ZNF775: variants seen among roughly 807,000 people sequenced by gnomAD.
ZNF775 encodes zinc finger protein 775.
ZNF775 carries 1 observed loss-of-function variant against 2.4 expected under a neutral mutation model. The ratio of observed to expected loss-of-function variants is 0.41; its 90% CI spans 0.15 to 1.94. ZNF775 has a LOEUF of 1.94. ZNF775 is among the 30% of genes most tolerant of loss of function. The probability of loss-of-function intolerance (pLI) is 0.30; values close to 1 mark genes in which losing one functional copy is unlikely to be tolerated. For missense variants in ZNF775, 823 were observed against 826.6 expected (o/e 1.00, Z 0.05); for synonymous variants, 381 against 373.3 (o/e 1.02, Z -0.24).
rs923274205 is a variant in ZNF775, at chr7:150,398,380, A to C, written c.*285A>C. 1 of 521,506 alleles carries C rather than the reference A, an allele frequency of 1.9e-6. No homozygotes were observed. Among genetic ancestry groups the C allele is most frequent in the African/African-American group, 2.0e-5 (1 of 50,670 alleles). The allele number at this position is 521,506 out of a possible 1,614,324, so 32.3% of individuals were successfully genotyped here. Reference sequence around the variant, plus strand: ...GACCCCAGGCTTCAAGCACCGAGTGAGGGGTCTGTTGGGGACGCTGGGAGA... The same window carrying C: ...GACCCCAGGCTTCAAGCACCGAGTGCGGGGTCTGTTGGGGACGCTGGGAGA... On this transcript the variant is annotated 3_prime_UTR_variant, in exon 3 of 3. Coordinates refer to ENST00000329630, the MANE Select transcript of ZNF775 (RefSeq NM_173680.4).
chr7:150,385,129 A>T (rs552894313), intron 1 of ZNF775, among the ~76,000 whole-genome samples: 1 of 152,196 alleles, frequency 6.6e-6, no homozygotes, highest in Non-Finnish European at 1.5e-5. Flanking sequence ...GTGGCGAGGG[A>T]GGGAGGAGCC....
rs573992519 is a variant in ZNF775, at chr7:150,385,336, G to A, written c.-49-3086G>A. ...TTTGCAAAAGTAGAAGAGAAAAACA[G>A]CTTTTAAAAGATTGAATGTGCATGA... On this transcript the variant is annotated intron_variant, in intron 1 of 2. Transcript: ENST00000329630. 2.5e-4 allele frequency among the ~76,000 whole-genome samples: 38 copies of A among 152,352 alleles called. No homozygotes were observed. The South Asian group carries it at 6.4e-3, about 26-fold the overall frequency.
At chr7:150,393,014 T>C (rs1169070661) in intron 2 of ZNF775, among the ~76,000 whole-genome samples, 1 of 152,208 alleles carries the variant, frequency 6.6e-6, no homozygotes, top group Non-Finnish European at 1.5e-5. Flanking sequence ...TAGTTGACAT[T>C]AGGGTTCTCT....
chr7:150,397,126 G>A lies in ZNF775; in HGVS notation c.645G>A (p.Arg215=). ...GLRIHQRAHA[R]DRQGSRAGLH... is the part of the protein sequence containing the mutation. ...GCATCCACCAGCGCGCGCACGCCCG[G>A]GACCGCCAGGGCTCCCGCGCCGGCC... Residue 215 remains arginine (R), a synonymous_variant, in exon 3 of 3, where the codon CGG becomes CGA. Coordinates refer to ENST00000329630, the MANE Select transcript of ZNF775 (RefSeq NM_173680.4). The A allele has an allele frequency of 6.6e-7, 1 of 1,511,324 alleles. No homozygotes were observed. The highest frequency in any genetic ancestry group is 1.4e-5 in the African/African-American group (1 of 70,116). The allele number at this position is 1,511,324 out of a possible 1,614,324, so 93.6% of individuals were successfully genotyped here. A position where few individuals can be genotyped will look rare whatever the true frequency, so the allele number is the denominator to read the frequency against.
rs1448414128 is a variant in ZNF775, at chr7:150,397,921, C to G, written c.1440C>G (p.Gly480=). 3.7e-6 allele frequency: 6 copies of G among 1,601,854 alleles called. No individual in the cohort carries two copies. The highest frequency in any genetic ancestry group is 8.5e-7 in the Non-Finnish European group (1 of 1,178,678). Residue 480 remains glycine, a synonymous_variant, in exon 3 of 3, where the codon GGC becomes GGG. Coordinates refer to ENST00000329630, the MANE Select transcript of ZNF775 (RefSeq NM_173680.4). ...GGCCCTACCCGTGCCCCGAGTGCGG[C>G]CGCCGCTTCAGCCAGAAGCCCAACC... The part of the protein sequence containing the change: ...GERPYPCPEC[G]RRFSQKPNLT...
chr7:150,380,166 C>T (rs1346006367), intron 1 of ZNF775: 1 of 152,242 alleles, frequency 6.6e-6, no homozygotes, highest in Non-Finnish European at 1.5e-5. Context: ...CAAGGCTTCA[C>T]AGCTAACTGT....
At position 150,389,859 on chromosome 7, in the gene ZNF775, TTGTGTG is replaced by T. The variant is rs71196708; in HGVS notation, c.31+1414_31+1419del. 1.6e-3 allele frequency among the ~76,000 whole-genome samples: 225 copies of T among 138,842 alleles called. 4 individuals carry two copies. The highest frequency in any genetic ancestry group is 3.6e-3 in the Middle Eastern group (1 of 278). The allele number at this position is 138,842 out of a possible 152,430, so 91.1% of individuals were successfully genotyped here. On this transcript the variant is annotated intron_variant, in intron 2 of 2. Transcript: ENST00000329630. ...CTTTTAAGCAACTTTTAATTTTTAT[TTGTGTG>T]TGTGTGTGTGTGTGTGTGTGTGTGT...
At position 150,387,489 on chromosome 7, in the gene ZNF775, C is replaced by T. The variant is rs1273230382; in HGVS notation, c.-49-933C>T. Among the ~76,000 whole-genome samples the T allele has an allele frequency of 3.3e-5, 5 of 151,930 alleles. No individual in the cohort carries two copies. In the South Asian group the frequency reaches 1.0e-3, roughly 32 times the overall value. ...TGTTCCAGGCACAGAGTGAGCCACT[C>T]AGGAAGCGCTCAGAAGACTTGGGCA... On this transcript the variant is annotated intron_variant, in intron 1 of 2. Transcript: ENST00000329630.
chr7:150,391,702 C>CTTCCTT (rs1800561567), intron 2 of ZNF775, among the ~76,000 whole-genome samples: 4 of 68,732 alleles, frequency 5.8e-5, no homozygotes, highest in African/African-American at 2.0e-4. Context: ...TTTTTCCTTT[C>CTTCCTT]TTTCTTTTTT....
intron 1 of ZNF775, among the ~76,000 whole-genome samples, chr7:150,386,120 G>C (rs1800447973): frequency 1.3e-5 from 2 of 152,224 alleles, no homozygotes; most frequent in South Asian, 2.1e-4. Flanking sequence ...ATTTTTAGTA[G>C]AGACGGGGTT....
Position 150,382,976 on chromosome 7 carries a change from G to C in ZNF775, c.-50+3584G>C, listed in dbSNP as rs907799366. ...GCTGTGCAGTGATTCGTGCTGCCCTGGTTCACAGTGGCACGTTTGTGTGTC... is the reference window on the plus strand; with the variant it reads ...GCTGTGCAGTGATTCGTGCTGCCCTCGTTCACAGTGGCACGTTTGTGTGTC... On this transcript the variant is annotated intron_variant, in intron 1 of 2. Transcript: ENST00000329630. The surrounding 1 kb of genome is among the most constrained non-coding windows in gnomAD (Gnocchi z 4.6). Among the ~76,000 whole-genome samples, 4 of 152,202 alleles carry C rather than the reference G, an allele frequency of 2.6e-5. No homozygotes were observed. The highest frequency in any genetic ancestry group is 5.9e-5 in the Non-Finnish European group (4 of 68,024).
chr7:150,396,575 C>A lies in ZNF775; in HGVS notation c.94C>A (p.Pro32Thr). ...GGAGCGGCTGCTGCAGACGCTGGCG[C>A]CGCAGGCCATGCTTGTGGAGAAGGA... ...KPERLLQTLAPQAMLVEKDKE... is the reference protein window; with the variant it reads ...KPERLLQTLATQAMLVEKDKE... Residue 32 changes from proline to threonine, a missense_variant, in exon 3 of 3, where the codon CCG (proline) becomes ACG (threonine). Pro to Thr is a conservative substitution (Grantham distance 38). Coordinates refer to ENST00000329630, the MANE Select transcript of ZNF775 (RefSeq NM_173680.4). 1 of 1,606,744 alleles carries A rather than the reference C, an allele frequency of 6.2e-7. No homozygotes were observed. The highest frequency in any genetic ancestry group is 8.5e-7 in the Non-Finnish European group (1 of 1,178,114).
chr7:150,393,154 C>T (rs1441551717), intron 2 of ZNF775, among the ~76,000 whole-genome samples: 1 of 152,108 alleles, frequency 6.6e-6, no homozygotes, highest in African/African-American at 2.4e-5. Context: ...CCCTACCCCC[C>T]AACCCCTGGC....
intron 1 of ZNF775, among the ~76,000 whole-genome samples, chr7:150,387,977 C>T (rs1350892655): frequency 2.0e-5 from 3 of 152,128 alleles, no homozygotes; most frequent in African/African-American, 4.8e-5. Context: ...ACGGAGGAAA[C>T]GTGTAGGGCC....
chr7:150,395,053 A>C (rs969167249), intron 2 of ZNF775, among the ~76,000 whole-genome samples: 1 of 152,100 alleles, frequency 6.6e-6, no homozygotes, highest in Non-Finnish European at 1.5e-5. Context: ...CTTTAGCAGC[A>C]CCTGTTTATA....
At chr7:150,385,531 A>G (rs1800436734) in intron 1 of ZNF775, among the ~76,000 whole-genome samples, 1 of 151,280 alleles carries the variant, frequency 6.6e-6, no homozygotes, top group Non-Finnish European at 1.5e-5. Context: ...AATGACTGCA[A>G]AGACGGGAGC....
In ZNF775 at chr7:150,396,825, G is replaced by A. The variant is rs1398701156; in HGVS notation, c.344G>A (p.Arg115Lys). 6.2e-7 allele frequency: 1 copy of A among 1,601,248 alleles called. No homozygotes were observed. The highest frequency in any genetic ancestry group is 8.5e-7 in the Non-Finnish European group (1 of 1,177,974). ...TTTGTATGCCTGGACTGCGGGAAGA[G>A]GTTCAGCTGGTGGTCGTCCCTGAAG... ...GHFVCLDCGKRFSWWSSLKIH... is the reference protein window; with the variant it reads ...GHFVCLDCGKKFSWWSSLKIH... The change falls in exon 3 of 3, where the codon AGG becomes AAG. Residue 115 changes from arginine (R) to lysine (K), a missense_variant. Arg to Lys is a conservative substitution (Grantham distance 26, BLOSUM62 2). Transcript: ENST00000329630.
chr7:150,382,203 T>C lies in ZNF775; in HGVS notation c.-50+2811T>C, dbSNP rs531550468. ...TGTGTGGCGCTGGGGGCCTCTGAGA[T>C]TCCCAACTGGCTGGAAGGAGTGATG... On this transcript the variant is annotated intron_variant, in intron 1 of 2. Coordinates refer to ENST00000329630, the MANE Select transcript of ZNF775 (RefSeq NM_173680.4). This position sits in a 1 kb window ranked among gnomAD's most constrained non-coding sequence, Gnocchi z 4.6. Among the ~76,000 whole-genome samples, 1 of 152,074 alleles carries C rather than the reference T, an allele frequency of 6.6e-6. No individual in the cohort carries two copies. The highest frequency in any genetic ancestry group is 1.5e-5 in the Non-Finnish European group (1 of 67,986).
chr7:150,385,842 A>G (rs901923253), intron 1 of ZNF775, among the ~76,000 whole-genome samples: 4 of 152,066 alleles, frequency 2.6e-5, no homozygotes, highest in African/African-American at 9.7e-5. Flanking sequence ...TTAGGCTCCT[A>G]CCCTCCCATG....
Sources: gnomAD v4.1 joint callset for allele counts (sites outside exome capture counted in the v4.1 genomes callset) on GRCh38, gnomAD v4.1.1 for gene constraint, Gnocchi (gnomAD v3.1) non-coding constraint, MANE v1.5 for transcripts, NCBI Gene and HGNC (gene_info 2026-07-23, HGNC 2026-07-21) for gene names.